CDH1: variants seen among roughly 807,000 people sequenced by gnomAD.
The protein encoded by CDH1 is cadherin-1.
In CDH1, 35 loss-of-function variants were observed where a neutral mutation model predicts 84.5. The observed-to-expected ratio is 0.41, with a 90% CI of 0.32 to 0.55. The LOEUF is 0.55. Among genes scored for constraint, CDH1 ranks in the 20% least tolerant of loss-of-function variants. The probability of loss-of-function intolerance (pLI) is 0.19; values close to 1 mark genes in which losing one functional copy is unlikely to be tolerated. For missense variants in CDH1, 994 were observed against 1,126.6 expected (o/e 0.88, Z 1.68); for synonymous variants, 417 against 439.0 (o/e 0.95, Z 0.63).
intron 2 of CDH1, among the ~76,000 whole-genome samples, chr16:68,778,446 CTT>C (rs1685040050): frequency 6.6e-6 from 1 of 152,124 alleles, no homozygotes; most frequent in South Asian, 2.1e-4. Context: ...TGAAACAGCT[CTT>C]GTTCAGATTA....
intron 2 of CDH1, among the ~76,000 whole-genome samples, chr16:68,752,365 C>T (rs1222936454): frequency 5.3e-5 from 8 of 152,204 alleles, no homozygotes; most frequent in African/African-American, 1.7e-4. Context: ...ACTTATTTCT[C>T]CTGTTCACTG....
intron 11 of CDH1, among the ~76,000 whole-genome samples, chr16:68,821,330 C>T (rs946763418): frequency 6.6e-6 from 1 of 151,968 alleles, no homozygotes; most frequent in Non-Finnish European, 1.5e-5. Context: ...TAAAAACTAG[C>T]CAAGCATGGT....
chr16:68,828,633 T>G (rs548988611), intron 14 of CDH1, among the ~76,000 whole-genome samples: 2 of 152,350 alleles, frequency 1.3e-5, no homozygotes, highest in Admixed American at 6.5e-5. Flanking sequence ...ATTGCCATTC[T>G]CTGGACGTGA....
chr16:68,813,329 C>T lies in CDH1; in HGVS notation c.1154C>T (p.Pro385Leu), dbSNP rs1273532012. 6.2e-7 allele frequency: 1 copy of T among 1,614,156 alleles called. No individual in the cohort carries two copies. Among genetic ancestry groups the T allele is most frequent in the Non-Finnish European group, 8.5e-7 (1 of 1,180,026 alleles). Residue 385 changes from proline to leucine, a missense_variant, in exon 9 of 16, where the codon CCT (proline) becomes CTT (leucine). By Grantham distance (98) the Pro-to-Leu change is moderately conservative (BLOSUM62 -3). Transcript: ENST00000261769. The stretch of plus-strand genomic sequence containing the variant: ...GCTCTGCAGTACAAGGGTCAGGTGC[C>T]TGAGAACGAGGCTAACGTCGTAATC... ...FNPTTYKGQV[P>L]ENEANVVITT...
At chr16:68,782,574 A>G (rs1304857422) in intron 2 of CDH1, among the ~76,000 whole-genome samples, 2 of 152,178 alleles carry the variant, frequency 1.3e-5, no homozygotes, top group Non-Finnish European at 2.9e-5. Context: ...CTAAGCGCTG[A>G]CCGTTAGTGC....
intron 12 of CDH1, 191 bp from the exon 13 acceptor site, chr16:68,823,208 A>T (rs1961215853): frequency 1.7e-6 from 1 of 587,998 alleles, no homozygotes; most frequent in Admixed American, 3.0e-5. Context: ...CCCAAGCCTT[A>T]GACCAAATGG....
intron 2 of CDH1, among the ~76,000 whole-genome samples, chr16:68,781,578 A>G (rs182136929): frequency 6.6e-6 from 1 of 152,196 alleles, no homozygotes; most frequent in African/African-American, 2.4e-5. Flanking sequence ...AGCTCAAGCA[A>G]TCCATCCCCC....
At chr16:68,807,344 A>C (rs1466791965) in intron 3 of CDH1, among the ~76,000 whole-genome samples, 1 of 152,158 alleles carries the variant, frequency 6.6e-6, no homozygotes, top group Non-Finnish European at 1.5e-5. Flanking sequence ...GTTTTGGGAT[A>C]ACTCCACGTT....
chr16:68,833,453 G>A lies in CDH1; in HGVS notation c.2603G>A (p.Arg868His), dbSNP rs369126891. ...GACTACTTGAACGAATGGGGCAATC[G>A]CTTCAAGAAGCTGGCTGACATGTAC... ...DYDYLNEWGN[R>H]FKKLADMYGG... is the part of the protein sequence containing the mutation. The change falls in exon 16 of 16, where the codon CGC becomes CAC. Residue 868 changes from arginine to histidine, a missense_variant. Arg to His is a conservative substitution (Grantham distance 29, BLOSUM62 0). Around this residue, in one of 3 missense-constraint regions of CDH1, gnomAD observed 769 missense variants for 881.8 expected, o/e 0.87. Transcript: ENST00000261769. 10 of 1,614,006 alleles carry A rather than the reference G, an allele frequency of 6.2e-6. No individual in the cohort carries two copies. Among genetic ancestry groups the A allele is most frequent in the East Asian group, 4.5e-5 (2 of 44,892 alleles).
Position 68,808,570 on chromosome 16 carries a change from A to G in CDH1, c.531+3A>G, listed in dbSNP as rs766563354. On this transcript the variant is annotated splice_donor_region_variant and intron_variant, in intron 4 of 15. Transcript: ENST00000261769. ...CATTTCCTAAAAACCTGGTTCAGGT[A>G]GAGAAAGAAGTTCTCTGTTTCTCTG... The G allele has an allele frequency of 3.7e-6, 6 of 1,614,094 alleles. No homozygotes were observed. The highest frequency in any genetic ancestry group is 1.3e-5 in the African/African-American group (1 of 74,946).
chr16:68,819,410 A>C lies in CDH1; in HGVS notation c.1696A>C (p.Ile566Leu), dbSNP rs775941240. ...GAACAGCACGTACACAGCCCTAATC[A>C]TAGCTACAGACAATGGTAAGGGGGC... ...VKNSTYTALI[I>L]ATDNGSPVAT... The change falls in exon 11 of 16, where the codon ATA (isoleucine) becomes CTA (leucine). Residue 566 changes from isoleucine to leucine, a missense_variant. Around this residue, in one of 3 missense-constraint regions of CDH1, gnomAD observed 769 missense variants for 881.8 expected, o/e 0.87. Coordinates refer to ENST00000261769, the MANE Select transcript of CDH1 (RefSeq NM_004360.5). The C allele has an allele frequency of 6.2e-7, 1 of 1,613,608 alleles. No homozygotes were observed. Among genetic ancestry groups the C allele is most frequent in the African/African-American group, 1.3e-5 (1 of 75,034 alleles).
intron 3 of CDH1, among the ~76,000 whole-genome samples, chr16:68,808,186 A>C (rs770953311): frequency 1.1e-4 from 17 of 152,216 alleles, no homozygotes; most frequent in Non-Finnish European, 2.1e-4. Flanking sequence ...GGACACTAAG[A>C]AGGATAAAAA....
chr16:68,821,852 T>C (rs956001116), intron 11 of CDH1, 149 bp from the exon 12 acceptor site: 5 of 697,320 alleles, frequency 7.2e-6, no homozygotes, highest in African/African-American at 7.0e-5. Context: ...TCCTTTGGGA[T>C]TGGTGGGACA....
intron 2 of CDH1, among the ~76,000 whole-genome samples, chr16:68,746,978 G>C (rs1250763431): frequency 1.3e-5 from 2 of 152,162 alleles, no homozygotes; most frequent in African/African-American, 4.8e-5. Flanking sequence ...ACACCAAAGT[G>C]GGGTGGATGG....
intron 2 of CDH1, 98 bp downstream of exon 2, chr16:68,738,509 C>G (rs2152114569): frequency 1.3e-6 from 1 of 759,174 alleles, no homozygotes; most frequent in Non-Finnish European, 2.1e-6. Context: ...AATGGGCAAG[C>G]TCCCTCCTTG....
intron 2 of CDH1, among the ~76,000 whole-genome samples, chr16:68,776,049 T>C (rs1959724173): frequency 6.6e-6 from 1 of 152,184 alleles, no homozygotes. Context: ...CAATCTTGGC[T>C]TACTGCAACC....
chr16:68,752,627 G>T (rs1962913458), intron 2 of CDH1, among the ~76,000 whole-genome samples: 1 of 151,874 alleles, frequency 6.6e-6, no homozygotes, highest in South Asian at 2.1e-4. Context: ...TTATGTATTA[G>T]CCACAGAGAA....
intron 2 of CDH1, among the ~76,000 whole-genome samples, chr16:68,789,024 AAAAG>A (rs200346241): frequency 0.01 from 1,570 of 152,018 alleles, 12 homozygotes; most frequent in Non-Finnish European, 0.018. Flanking sequence ...ATGAATAAAT[AAAAG>A]AAAGTTGGAC....
rs1961583647 is a variant in CDH1 at position 68,834,377 on chromosome 16, CA to C, written c.*879del. On this transcript the variant is annotated 3_prime_UTR_variant, in exon 16 of 16. Coordinates refer to ENST00000261769, the MANE Select transcript of CDH1 (RefSeq NM_004360.5). ...TCTGGGGCTCAAGCAGTTCTCCCAC[CA>C]GCCTCCTTTTTATTTTTTTGTACAG... is the stretch of plus-strand genomic sequence containing the variant. 3 of 430,496 alleles carry C rather than the reference CA, an allele frequency of 7.0e-6. No homozygotes were observed. Among genetic ancestry groups the C allele is most frequent in the Non-Finnish European group, 1.4e-5 (3 of 220,880 alleles). The allele number at this position is 430,496 out of a possible 1,614,324, so 26.7% of individuals were successfully genotyped here.
Sources: allele counts gnomAD v4.1 joint callset (sites outside exome capture counted in the v4.1 genomes callset), GRCh38; gene constraint gnomAD v4.1.1; regional missense constraint gnomAD v4.1.1; transcripts MANE v1.5; gene names NCBI Gene and HGNC (gene_info 2026-07-23, HGNC 2026-07-21).